The following ARAP2 variants were observed in gnomAD, a reference collection of about 807,000 sequenced individuals.
ARAP2 encodes the protein ArfGAP with RhoGAP domain, ankyrin repeat and PH domain 2.
ARAP2 carries 148 observed loss-of-function variants against 194.5 expected under a neutral mutation model. The observed-to-expected ratio is 0.76, with a 90% CI of 0.67 to 0.87. The LOEUF (loss-of-function observed/expected upper bound fraction) is 0.87, where lower values mean the gene tolerates loss of function less well. Among genes scored for constraint, ARAP2 ranks in the 40% least tolerant of loss-of-function variants. The pLI is 0.00. For synonymous variants in ARAP2, 695 were observed against 683.5 expected, an observed-to-expected ratio of 1.02 and a Z score of -0.26; for missense variants, 2,128 against 1,989.7, an observed-to-expected ratio of 1.07 and a Z score of -1.32.
downstream of ARAP2, among the ~76,000 whole-genome samples, chr4:36,062,422 G>A (rs185118108): frequency 6.6e-6 from 1 of 152,034 alleles, no homozygotes; most frequent in East Asian, 1.9e-4. Flanking sequence ...TAGTTATTAG[G>A]TTGGTGTCCT....
At chr4:36,204,577 A>G (rs1745116891) in intron 6 of ARAP2, among the ~76,000 whole-genome samples, 1 of 152,240 alleles carries the variant, frequency 6.6e-6, no homozygotes, top group African/African-American at 2.4e-5. Flanking sequence ...AACCAGCCCA[A>G]ACTAAAGTTT....
chr4:36,152,721 A>G (rs995298143), intron 15 of ARAP2, among the ~76,000 whole-genome samples: 4 of 152,138 alleles, frequency 2.6e-5, no homozygotes, highest in Non-Finnish European at 5.9e-5. Flanking sequence ...ATCCCTTACG[A>G]TTTAGGAGCC....
At chr4:36,107,480 T>C (rs941859131) in intron 27 of ARAP2, 85 bp downstream of exon 27, 21 of 1,398,008 alleles carry the variant, frequency 1.5e-5, no homozygotes, top group Non-Finnish European at 1.8e-5. Flanking sequence ...TTTTCACATT[T>C]TCAAATATTA....
chr4:36,205,412 C>T (rs909633485), intron 6 of ARAP2, among the ~76,000 whole-genome samples: 25 of 152,146 alleles, frequency 1.6e-4, no homozygotes, highest in Middle Eastern at 3.4e-3. Flanking sequence ...AGAAATGTCA[C>T]TTTTTTTAAA....
chr4:36,214,136 AT>A (rs1747391030), intron 3 of ARAP2, among the ~76,000 whole-genome samples: 2 of 152,202 alleles, frequency 1.3e-5, no homozygotes, highest in Admixed American at 1.3e-4. Flanking sequence ...GCCAGAAACC[AT>A]TTAATTTAGT....
At chr4:36,090,085 A>T (rs894480085) in intron 28 of ARAP2, among the ~76,000 whole-genome samples, 2 of 152,070 alleles carry the variant, frequency 1.3e-5, no homozygotes, top group Admixed American at 1.3e-4. Flanking sequence ...ATTACTACTG[A>T]CCCCATAGAA....
chr4:36,082,417 A>G, intron 29 of ARAP2, 131 bp from the exon 30 acceptor site: 2 of 894,322 alleles, frequency 2.2e-6, no homozygotes, highest in Non-Finnish European at 3.4e-6. Context: ...GTGGTGATTC[A>G]ATGTGTTGGA....
rs148043921 is a variant in ARAP2 at position 36,130,431 on chromosome 4, T to C, written c.3428-1686A>G. Among the ~76,000 whole-genome samples, 433 of 151,914 alleles carry C rather than the reference T, an allele frequency of 2.9e-3. 3 individuals are homozygous for C. The highest frequency in any genetic ancestry group is 9.7e-3 in the African/African-American group (404 of 41,486). ...TACCACAAAGCTCCCAGCACAAACT[T>C]TGTGACTCGATACCTTGGCACACAC... On this transcript the variant is annotated intron_variant, in intron 20 of 32. Transcript: ENST00000303965.
chr4:36,035,834 T>G (rs745987979), intron 5 of ARAP2, among the ~76,000 whole-genome samples: 35 of 152,324 alleles, frequency 2.3e-4, no homozygotes, highest in Non-Finnish European at 4.0e-4. Context: ...TGCAAGGTAG[T>G]TGTCAAAACG....
chr4:36,062,224 C>T (rs928703586), downstream of ARAP2, among the ~76,000 whole-genome samples: 7 of 152,106 alleles, frequency 4.6e-5, no homozygotes, highest in Non-Finnish European at 7.4e-5. Context: ...TTTTGCCCAG[C>T]CCGTTGTCCT....
chr4:36,092,151 C>T, intron 27 of ARAP2, 131 bp from the exon 28 acceptor site: 1 of 1,034,988 alleles, frequency 9.7e-7, no homozygotes, highest in Non-Finnish European at 1.4e-6. Flanking sequence ...CTAAGGTGAA[C>T]TTCCGGGAAT....
At chr4:36,191,328 C>A (rs1469858307) in intron 7 of ARAP2, among the ~76,000 whole-genome samples, 1 of 151,974 alleles carries the variant, frequency 6.6e-6, no homozygotes, top group Non-Finnish European at 1.5e-5. Flanking sequence ...CTAATAGATC[C>A]TGTTAAAGAG....
At chr4:36,029,709 C>A (rs116245971) in intron 5 of ARAP2, among the ~76,000 whole-genome samples, 6,347 of 151,302 alleles carry the variant, frequency 0.042, 243 homozygotes, top group African/African-American at 0.092. Flanking sequence ...TTCTATTTTT[C>A]TTTGTTGTTA....
intron 9 of ARAP2, among the ~76,000 whole-genome samples, chr4:36,172,279 G>T (rs1736832865): frequency 6.6e-6 from 1 of 152,138 alleles, no homozygotes; most frequent in South Asian, 2.1e-4. Context: ...CCCATTTACT[G>T]GCTGTTTGAT....
chr4:36,087,788 A>G (rs2109368502), intron 28 of ARAP2, among the ~76,000 whole-genome samples: 1 of 152,232 alleles, frequency 6.6e-6, no homozygotes, highest in East Asian at 1.9e-4. Flanking sequence ...TTCTTTCAGC[A>G]AAAACACTAA....
intron 9 of ARAP2, among the ~76,000 whole-genome samples, chr4:36,008,987 C>T (rs1337479866): frequency 2.6e-5 from 4 of 152,006 alleles, no homozygotes; most frequent in Non-Finnish European, 4.4e-5. Flanking sequence ...CAAATCAATA[C>T]CACAGTGAGA....
At chr4:36,020,435 T>G (rs994796708) in intron 5 of ARAP2, among the ~76,000 whole-genome samples, 2 of 126,182 alleles carry the variant, frequency 1.6e-5, no homozygotes, top group Admixed American at 8.7e-5. Context: ...AAAAAGTAAA[T>G]CAAGCTGATA....
chr4:36,195,966 T>C (rs949353091), intron 6 of ARAP2, among the ~76,000 whole-genome samples: 3 of 152,154 alleles, frequency 2.0e-5, no homozygotes, highest in Non-Finnish European at 2.9e-5. Flanking sequence ...AAGGAATGAG[T>C]GACATGATTA....
intron 6 of ARAP2, among the ~76,000 whole-genome samples, chr4:36,197,536 G>C (rs1047600589): frequency 6.6e-6 from 1 of 152,226 alleles, no homozygotes; most frequent in Non-Finnish European, 1.5e-5. Context: ...TCTGTGGCTG[G>C]TGGCACCTTT....
Sources: allele counts gnomAD v4.1 joint callset (sites outside exome capture counted in the v4.1 genomes callset), GRCh38; gene constraint gnomAD v4.1.1; transcripts MANE v1.5; gene names NCBI Gene and HGNC (gene_info 2026-07-23, HGNC 2026-07-21).